The following PIGG variants were observed in gnomAD, a reference collection of about 807,000 sequenced individuals.
The protein encoded by PIGG is phosphatidylinositol glycan anchor biosynthesis class G (EMM blood group), also known as GPI ethanolamine phosphate transferase 2, catalytic subunit.
Under a neutral mutation model 83.2 loss-of-function variants are expected in PIGG, and 70 were observed. The observed-to-expected ratio is 0.84, with a 90% confidence interval of 0.69 to 1.03. The LOEUF (loss-of-function observed/expected upper bound fraction) is 1.03, where lower values mean the gene tolerates loss of function less well. Ranked by LOEUF, PIGG falls within the 50% of genes least tolerant of loss-of-function variation. The probability of loss-of-function intolerance (pLI) is 0.00; values close to 1 mark genes in which losing one functional copy is unlikely to be tolerated. For missense variants in PIGG, 1,257 were observed against 1,233.6 expected (o/e 1.02, Z -0.28); for synonymous variants, 532 against 519.5 (o/e 1.02, Z -0.33).
At chr4:535,420 C>T (rs1324374854) in intron 12 of PIGG, among the ~76,000 whole-genome samples, 1 of 152,250 alleles carries the variant, frequency 6.6e-6, no homozygotes, top group Admixed American at 6.5e-5. Flanking sequence ...GTGCTGAAAC[C>T]GCGCACCGCG....
intron 5 of PIGG, among the ~76,000 whole-genome samples, chr4:511,676 A>G (rs1426204822): frequency 3.3e-5 from 5 of 152,264 alleles, no homozygotes; most frequent in African/African-American, 1.2e-4. Context: ...TCATAATTAT[A>G]TGATTACCTT....
intron 8 of PIGG, chr4:522,398 C>T (rs557841862): frequency 1.2e-5 from 3 of 259,600 alleles, no homozygotes; most frequent in South Asian, 1.6e-4. Flanking sequence ...CAGAATGCAT[C>T]CTGCCTCATC....
At chr4:538,661 G>A (rs989653039) in intron 12 of PIGG, among the ~76,000 whole-genome samples, 1 of 152,148 alleles carries the variant, frequency 6.6e-6, no homozygotes, top group East Asian at 1.9e-4. Flanking sequence ...GGGCACCTCC[G>A]TGCCTTCTGG....
chr4:508,638 G>A (rs1402359676), intron 4 of PIGG, among the ~76,000 whole-genome samples, 191 bp from the exon 5 acceptor site: 1 of 152,170 alleles, frequency 6.6e-6, no homozygotes, highest in Non-Finnish European at 1.5e-5. Context: ...ACAATTCTGT[G>A]AACTTCATTT....
rs1189704087 is a variant in PIGG at position 521,913 on chromosome 4, T to C, written c.1586T>C (p.Val529Ala). Residue 529 changes from valine to alanine, a missense_variant, in exon 8 of 13, where the codon GTG (valine) becomes GCG (alanine). Transcript: ENST00000453061. Reference sequence around the variant, plus strand: ...GTGATTGTGTCTGTTCTGACCAACGTGCTCGTGGGTGGAAACACCCCAAGG... The same window carrying C: ...GTGATTGTGTCTGTTCTGACCAACGCGCTCGTGGGTGGAAACACCCCAAGG... The part of the protein sequence containing the change: ...LCVIVSVLTN[V>A]LVGGNTPRKN... 1 of 1,614,060 alleles carries C rather than the reference T, an allele frequency of 6.2e-7. No individual in the cohort carries two copies. The highest frequency in any genetic ancestry group is 8.5e-7 in the Non-Finnish European group (1 of 1,180,044).
chr4:521,817 CGT>C lies in PIGG; in HGVS notation c.1492_1493del (p.Cys498LeufsTer104), dbSNP rs1725992040. The stretch of plus-strand genomic sequence containing the variant: ...ATTGTGTGCACCTCAGCTGAAAGTT[CGT>C]GCTACTTCTGTGGCCTCTCGTGGCT... On this transcript the variant is annotated frameshift_variant, in exon 8 of 13. Coordinates refer to ENST00000453061, the MANE Select transcript of PIGG (RefSeq NM_001127178.3). LOFTEE classifies it high-confidence loss of function. 1.9e-6 allele frequency: 3 copies of C among 1,614,072 alleles called. No homozygotes were observed. The highest frequency in any genetic ancestry group is 8.5e-7 in the Non-Finnish European group (1 of 1,180,038).
chr4:500,159 C>A (rs782659272), intron 1 of PIGG: 40 of 545,756 alleles, frequency 7.3e-5, no homozygotes, highest in Non-Finnish European at 1.2e-4. Context: ...CAGTACTCTT[C>A]ACCATACTGA....
In PIGG at chr4:500,629, C is replaced by T. The variant is rs1553875321; in HGVS notation, c.360+28C>T. ...AAGTTTGCCTTAATGTTTTATGAAT[C>T]ATGGTTTGGCTGTTTTGAAGATTTA... On this transcript the variant is annotated intron_variant, in intron 2 of 12. Coordinates refer to ENST00000453061, the MANE Select transcript of PIGG (RefSeq NM_001127178.3). 5 of 1,404,222 alleles carry T rather than the reference C, an allele frequency of 3.6e-6. No individual in the cohort carries two copies. The Admixed American group carries it at 8.4e-5, about 24-fold the overall frequency. 87.0% of individuals were successfully genotyped at this position (1,404,222 alleles called of 1,614,324 possible). A position where few individuals can be genotyped will look rare whatever the true frequency, so the allele number is the denominator to read the frequency against.
rs1474734706 is a variant in PIGG at position 528,086 on chromosome 4, G to A, written c.2261+856G>A. 1.0e-6 allele frequency: 1 copy of A among 985,048 alleles called. No individual in the cohort carries two copies. The highest frequency in any genetic ancestry group is 1.2e-6 in the Non-Finnish European group (1 of 829,840). 61.0% of individuals were successfully genotyped at this position (985,048 alleles called of 1,614,324 possible). A position where few individuals can be genotyped will look rare whatever the true frequency, so the allele number is the denominator to read the frequency against. ...GTGCTCTGACAGTGACCGTCCCAGT[G>A]AGGTCGGTGCTCTGATAGTGACCCT... On this transcript the variant is annotated intron_variant, in intron 10 of 12. Coordinates refer to ENST00000453061, the MANE Select transcript of PIGG (RefSeq NM_001127178.3). This position sits in a 1 kb window ranked among gnomAD's most constrained non-coding sequence, Gnocchi z 4.8.
chr4:521,537 C>G, intron 7 of PIGG, 123 bp from the exon 8 acceptor site: 1 of 944,882 alleles, frequency 1.1e-6, no homozygotes, highest in Non-Finnish European at 1.6e-6. Flanking sequence ...ATCATCTTTT[C>G]CTGAGCTTGC....
At chr4:508,289 A>G (rs1720561066) in intron 4 of PIGG, among the ~76,000 whole-genome samples, 1 of 152,332 alleles carries the variant, frequency 6.6e-6, no homozygotes, top group Non-Finnish European at 1.5e-5. Context: ...GGGGCAGACC[A>G]TGTGGTCTGT....
At position 525,442 on chromosome 4, in the gene PIGG, T is replaced by C. The variant is rs887749131; in HGVS notation, c.2069+1529T>C. Reference sequence around the variant, plus strand: ...CGGTCCCGTCACTGCAGAGAACTCCTGTAAGAAATGGCAGCAGAAGGAAAA... The same window carrying C: ...CGGTCCCGTCACTGCAGAGAACTCCCGTAAGAAATGGCAGCAGAAGGAAAA... On this transcript the variant is annotated intron_variant, in intron 9 of 12. Coordinates refer to ENST00000453061, the MANE Select transcript of PIGG (RefSeq NM_001127178.3). 3.1e-5 allele frequency: 24 copies of C among 771,374 alleles called. No homozygotes were observed. In the South Asian group the frequency reaches 1.3e-3, roughly 41 times the overall value. 47.8% of individuals were successfully genotyped at this position (771,374 alleles called of 1,614,324 possible). A position where few individuals can be genotyped will look rare whatever the true frequency, so the allele number is the denominator to read the frequency against.
At position 539,482 on chromosome 4, in the gene PIGG, A is replaced by G. The variant is rs922595062; in HGVS notation, c.*113A>G. On this transcript the variant is annotated 3_prime_UTR_variant, in exon 13 of 13. Transcript: ENST00000453061. ...TAACTTTCTTTGACTGCTCTACCTG[A>G]ATTTAGACTAAGCAGTAAATAGTTT... 4.7e-6 allele frequency: 3 copies of G among 642,148 alleles called. No homozygotes were observed. In the South Asian group the frequency reaches 5.7e-5, roughly 12 times the overall value. 39.8% of individuals were successfully genotyped at this position (642,148 alleles called of 1,614,324 possible). A position where few individuals can be genotyped will look rare whatever the true frequency, so the allele number is the denominator to read the frequency against.
At chr4:510,965 G>A (rs1721692508) in intron 5 of PIGG, among the ~76,000 whole-genome samples, 1 of 151,942 alleles carries the variant, frequency 6.6e-6, no homozygotes, top group South Asian at 2.1e-4. Flanking sequence ...GTAGGATAGT[G>A]TTTTTCCAGG....
intron 9 of PIGG, chr4:525,788 T>C (rs1197003623): frequency 6.6e-6 from 1 of 152,240 alleles, no homozygotes; most frequent in Non-Finnish European, 1.5e-5. Flanking sequence ...GCACGTTTCC[T>C]TTCCAGAGAA....
chr4:526,855 A>C, intron 9 of PIGG, 184 bp from the exon 10 acceptor site: 1 of 710,262 alleles, frequency 1.4e-6, no homozygotes, highest in Non-Finnish European at 2.3e-6. Context: ...ACTGAGGTTG[A>C]CCATCTTTTA....
In PIGG at chr4:523,035, G is replaced by A. The variant is rs565984667; in HGVS notation, c.1615-424G>A. Among the ~76,000 whole-genome samples, 12 of 152,292 alleles carry A rather than the reference G, an allele frequency of 7.9e-5. No homozygotes were observed. In the South Asian group the frequency reaches 8.3e-4, roughly 11 times the overall value. ...TTGGTTTCAAGAAGCAGGCACTGGCGACGTGCATCTGAAGACCTAAGCTCT... is the reference window on the plus strand; with the variant it reads ...TTGGTTTCAAGAAGCAGGCACTGGCAACGTGCATCTGAAGACCTAAGCTCT... On this transcript the variant is annotated intron_variant, in intron 8 of 12. Transcript: ENST00000453061.
At chr4:527,403 GT>G in intron 10 of PIGG, 173 bp downstream of exon 10, 1 of 1,352,418 alleles carries the variant, frequency 7.4e-7, no homozygotes, top group Non-Finnish European at 9.5e-7. Flanking sequence ...AGCTACTGGA[GT>G]GTAACTAAGA....
rs1553873957 is a variant in PIGG, at chr4:499,350, C to T, written c.15C>T (p.Ser5=). The change falls in exon 1 of 13, where the codon TCC becomes TCT. Residue 5 remains serine (S), a synonymous_variant. Transcript: ENST00000453061. MRLG[S]GTFATCCVAI... is the part of the protein sequence containing the mutation. ...GCGTGTCCACGATGCGGCTGGGCTC[C>T]GGGACTTTCGCTACCTGTTGCGTAG... The T allele has an allele frequency of 5.0e-6, 8 of 1,608,760 alleles. No individual in the cohort carries two copies. The highest frequency in any genetic ancestry group is 1.7e-5 in the Admixed American group (1 of 59,976).
Sources: gnomAD v4.1 joint callset for allele counts (sites outside exome capture counted in the v4.1 genomes callset) on GRCh38, gnomAD v4.1.1 for gene constraint, Gnocchi (gnomAD v3.1) non-coding constraint, MANE v1.5 for transcripts, NCBI Gene and HGNC (gene_info 2026-07-23, HGNC 2026-07-21) for gene names.